FAF1: variants seen among roughly 807,000 people sequenced by gnomAD.
FAF1 encodes FAS-associated factor 1.
A neutral mutation model predicts 92.5 loss-of-function variants in FAF1; 25 were observed. The ratio of observed to expected loss-of-function variants is 0.27; its 90% CI spans 0.20 to 0.38. The LOEUF is 0.38. FAF1 is among the 10% of genes least tolerant of loss of function. The pLI is 1.00. For synonymous variants in FAF1, 234 were observed against 273.2 expected, an observed-to-expected ratio of 0.86 and a Z score of 1.42; for missense variants, 636 against 793.3, an observed-to-expected ratio of 0.80 and a Z score of 2.38.
chr1:50,601,322 T>G (rs995760305), intron 8 of FAF1, among the ~76,000 whole-genome samples: 37 of 152,198 alleles, frequency 2.4e-4, no homozygotes, highest in African/African-American at 8.4e-4. Context: ...AGTATTATCA[T>G]GTTAAGCTTG....
chr1:50,857,480 T>C (rs1644399001), intron 2 of FAF1, among the ~76,000 whole-genome samples: 1 of 151,714 alleles, frequency 6.6e-6, no homozygotes, highest in African/African-American at 2.4e-5. Context: ...AAGAAAAAAC[T>C]AAGCCACCTC....
chr1:50,818,224 TAA>T (rs1643997020), intron 2 of FAF1, among the ~76,000 whole-genome samples: 2 of 152,124 alleles, frequency 1.3e-5, no homozygotes. Flanking sequence ...TGCGTGAAAT[TAA>T]AAAGACTATC....
chr1:50,763,206 C>T (rs576026174), intron 4 of FAF1, among the ~76,000 whole-genome samples: 12 of 152,042 alleles, frequency 7.9e-5, no homozygotes, highest in South Asian at 2.1e-4. Context: ...TGCTGTAAGC[C>T]GAGATGACGC....
At chr1:50,779,665 G>T (rs949926731) in intron 4 of FAF1, among the ~76,000 whole-genome samples, 3 of 151,880 alleles carry the variant, frequency 2.0e-5, no homozygotes, top group African/African-American at 7.2e-5. Flanking sequence ...ACAAAAAAAC[G>T]TTTGGGGGTG....
chr1:50,486,539 C>A (rs1646771436), intron 17 of FAF1, among the ~76,000 whole-genome samples: 1 of 151,714 alleles, frequency 6.6e-6, no homozygotes, highest in African/African-American at 2.4e-5. Context: ...AAATTCACAT[C>A]TCTACGGGCG....
rs1247921303 is a variant in FAF1, at chr1:50,744,759, A to T, written c.384T>A (p.Ile128=). Residue 128 remains isoleucine (I), a synonymous_variant, in exon 5 of 19, where the codon ATT becomes ATA. Transcript: ENST00000396153. The part of the protein sequence containing the change: ...DTCTVGEIKQ[I]LENELQIPVS... ...CAGGTATCTGAAGTTCATTTTCTAG[A>T]ATCTGTTTAATCTCTCCTGTATAAA... The T allele has an allele frequency of 6.3e-7, 1 of 1,594,924 alleles. No individual in the cohort carries two copies. The highest frequency in any genetic ancestry group is 8.6e-7 in the Non-Finnish European group (1 of 1,166,156).
intron 8 of FAF1, among the ~76,000 whole-genome samples, chr1:50,601,751 T>A (rs1293242801): frequency 6.6e-6 from 1 of 151,590 alleles, no homozygotes; most frequent in Non-Finnish European, 1.5e-5. Context: ...TATATTCATA[T>A]ATACACATAT....
chr1:50,631,939 T>C (rs1653808417), intron 8 of FAF1, among the ~76,000 whole-genome samples: 1 of 152,218 alleles, frequency 6.6e-6, no homozygotes, highest in African/African-American at 2.4e-5. Context: ...TTACTATTAT[T>C]GTTGCAAATT....
chr1:50,452,274 A>C (rs1646302850), intron 18 of FAF1: 2 of 648,100 alleles, frequency 3.1e-6, no homozygotes, highest in Non-Finnish European at 2.4e-6. Flanking sequence ...CTGAAAGCAT[A>C]AACTGGACAC....
intron 13 of FAF1, among the ~76,000 whole-genome samples, chr1:50,552,056 T>C (rs1649332227): frequency 6.6e-6 from 1 of 151,904 alleles, no homozygotes; most frequent in Admixed American, 6.6e-5. Context: ...GCACTTTGAG[T>C]TGCCAAGGCG....
At chr1:50,672,208 C>G (rs1202534762) in intron 7 of FAF1, among the ~76,000 whole-genome samples, 1 of 151,942 alleles carries the variant, frequency 6.6e-6, no homozygotes, top group African/African-American at 2.4e-5. Flanking sequence ...CCATGCCCAG[C>G]TAATTTTTTT....
chr1:50,758,893 A>C (rs1333882859), intron 4 of FAF1, among the ~76,000 whole-genome samples: 1 of 152,108 alleles, frequency 6.6e-6, no homozygotes, highest in East Asian at 1.9e-4. Context: ...CCCAGGCTAG[A>C]GTGCAGTGGT....
At chr1:50,956,714 C>T (rs1439882324) in intron 1 of FAF1, among the ~76,000 whole-genome samples, 8 of 152,224 alleles carry the variant, frequency 5.3e-5, no homozygotes, top group African/African-American at 1.7e-4. Flanking sequence ...TTTGGGAGGC[C>T]AAGGCAGGTG....
chr1:50,523,592 G>A lies in FAF1; in HGVS notation c.1494+11777C>T, dbSNP rs572383025. On this transcript the variant is annotated intron_variant, in intron 15 of 18. Transcript: ENST00000396153. ...GAAATGTCTATTCAAGTCTTTTGCC[G>A]ATTTTTTAATTGAATTGTTTAATTT... is the stretch of plus-strand genomic sequence containing the variant. 2.1e-4 allele frequency among the ~76,000 whole-genome samples: 32 copies of A among 152,156 alleles called. 1 individual carries two copies. The South Asian group carries it at 5.2e-3, about 25-fold the overall frequency.
chr1:50,674,872 A>AT (rs1656050642), intron 7 of FAF1, among the ~76,000 whole-genome samples: 1 of 144,830 alleles, frequency 6.9e-6, no homozygotes, highest in Non-Finnish European at 1.6e-5. Context: ...ATTTTATTTT[A>AT]TTTTATTTTA....
At chr1:50,787,873 A>T (rs1661419022) in intron 4 of FAF1, 127 bp downstream of exon 4, 6 of 683,348 alleles carry the variant, frequency 8.8e-6, no homozygotes, top group African/African-American at 1.8e-5. Flanking sequence ...AGTATTGGAA[A>T]GTTACCAGTT....
intron 3 of FAF1, among the ~76,000 whole-genome samples, chr1:50,799,758 T>C (rs1393632982): frequency 6.6e-6 from 1 of 152,220 alleles, no homozygotes; most frequent in Non-Finnish European, 1.5e-5. Flanking sequence ...ACAGACTGCA[T>C]ATATTCGACT....
chr1:50,540,594 C>T (rs1648713538), intron 13 of FAF1, among the ~76,000 whole-genome samples: 1 of 152,146 alleles, frequency 6.6e-6, no homozygotes, highest in Admixed American at 6.5e-5. Context: ...CATTAGTATT[C>T]TTAACACGAT....
At chr1:50,763,574 G>A (rs184996455) in intron 4 of FAF1, among the ~76,000 whole-genome samples, 67 of 152,110 alleles carry the variant, frequency 4.4e-4, no homozygotes, top group Admixed American at 2.9e-3. Context: ...CCTAGAAGTC[G>A]TTCAGACAAC....
Sources: gnomAD v4.1 joint callset for allele counts (sites outside exome capture counted in the v4.1 genomes callset) on GRCh38, gnomAD v4.1.1 for gene constraint, MANE v1.5 for transcripts, NCBI Gene and HGNC (gene_info 2026-07-23, HGNC 2026-07-21) for gene names.